Variants in INTS12 observed in about 807,000 individuals in gnomAD.
The protein encoded by INTS12 is PHD finger protein 22.
INTS12 carries 13 observed loss-of-function variants against 41.6 expected under a neutral mutation model. The ratio of observed to expected loss-of-function variants is 0.31; its 90% CI spans 0.20 to 0.50. INTS12 has a LOEUF of 0.50. Among genes scored for constraint, INTS12 ranks in the 20% least tolerant of loss-of-function variants. The pLI, the probability that INTS12 is intolerant of heterozygous loss-of-function variation, is 0.98. For missense variants in INTS12, 432 were observed against 541.6 expected (o/e 0.80, Z 2.01); for synonymous variants, 199 against 191.4 (o/e 1.04, Z -0.33).
At chr4:105,687,699 T>G (rs1731544329) in intron 6 of INTS12, among the ~76,000 whole-genome samples, 1 of 152,154 alleles carries the variant, frequency 6.6e-6, no homozygotes, top group South Asian at 2.1e-4. Context: ...ATCCCAGCAC[T>G]TTGGGAGGCT....
intron 2 of INTS12, among the ~76,000 whole-genome samples, chr4:105,702,304 T>G (rs1237966806): frequency 6.6e-6 from 1 of 151,616 alleles, no homozygotes; most frequent in Admixed American, 6.6e-5. Flanking sequence ...CCCGGCTAAT[T>G]TTTTGTATTT....
intron 6 of INTS12, among the ~76,000 whole-genome samples, chr4:105,687,433 CCACT>C (rs1212351828): frequency 6.6e-6 from 1 of 151,908 alleles, no homozygotes; most frequent in Non-Finnish European, 1.5e-5. Context: ...GAATTTTCAC[CCACT>C]ATTATTTTAT....
intron 6 of INTS12, among the ~76,000 whole-genome samples, 173 bp downstream of exon 6, chr4:105,691,803 G>A (rs931745229): frequency 3.9e-5 from 6 of 151,996 alleles, no homozygotes; most frequent in African/African-American, 1.2e-4. Context: ...AACATGGTCT[G>A]GTCTTTAGCA....
At position 105,686,828 on chromosome 4, in the gene INTS12, G is replaced by A. The variant is rs1731513336; in HGVS notation, c.668C>T (p.Thr223Ile). ...GGCTGGTTTCTGCGGTGGTTTCTGA[G>A]TTTTTTGAGCCTGCAAAAATCAGTG... ...TRQMKRMAQK[T>I]QKPPQKPAPA... The change falls in exon 7 of 8, where the codon ACT becomes ATT. Residue 223 changes from threonine (T) to isoleucine (I), a missense_variant. Coordinates refer to ENST00000340139, the MANE Select transcript of INTS12 (RefSeq NM_020395.4). 6.2e-7 allele frequency: 1 copy of A among 1,613,498 alleles called. No homozygotes were observed.
In INTS12 at chr4:105,700,025, A is replaced by C. The variant is rs976363006; in HGVS notation, c.-9-11T>G. ...AGCCATTGCAAACGCCTGAAGGAAA[A>C]AAAGAGAAAGTAATCTAGAAGACAA... On this transcript the variant is annotated splice_polypyrimidine_tract_variant and intron_variant, in intron 2 of 7. Coordinates refer to ENST00000340139, the MANE Select transcript of INTS12 (RefSeq NM_020395.4). 27 of 1,458,802 alleles carry C rather than the reference A, an allele frequency of 1.9e-5. No homozygotes were observed. The highest frequency in any genetic ancestry group is 2.5e-5 in the Non-Finnish European group (27 of 1,090,398). 90.4% of individuals were successfully genotyped at this position (1,458,802 alleles called of 1,614,324 possible). A position where few individuals can be genotyped will look rare whatever the true frequency, so the allele number is the denominator to read the frequency against.
In INTS12 at chr4:105,698,072, A is replaced by G. The variant is rs115033976; in HGVS notation, c.156+1778T>C. On this transcript the variant is annotated intron_variant, in intron 3 of 7. Transcript: ENST00000340139. The stretch of plus-strand genomic sequence containing the variant: ...CTCAACAAAAAACAACAGAAAAACA[A>G]AAACGTGTATTGTGTGTAACTAAAA... Among the ~76,000 whole-genome samples, 794 of 152,268 alleles carry G rather than the reference A, an allele frequency of 5.2e-3. 6 individuals carry two copies. Among genetic ancestry groups the G allele is most frequent in the African/African-American group, 0.018 (764 of 41,556 alleles).
chr4:105,688,435 C>T (rs769636280), intron 6 of INTS12, among the ~76,000 whole-genome samples: 5 of 152,130 alleles, frequency 3.3e-5, no homozygotes, highest in African/African-American at 1.2e-4. Flanking sequence ...AATCTCAATT[C>T]GTATCACTTT....
In INTS12 at chr4:105,683,156, A is replaced by G. The variant is rs1489303162; in HGVS notation, c.966T>C (p.Ala322=). ...CAGGTTTCTGGTTAGCTGACGAAGT[A>G]GCAGGTTTCCCAGTATTGTTTTGTG... is the stretch of plus-strand genomic sequence containing the variant. ...STTQNNTGKP[A]TSSANQKPVG... The change falls in exon 8 of 8, where the codon GCT becomes GCC. Residue 322 remains alanine (A), a synonymous_variant. Coordinates refer to ENST00000340139, the MANE Select transcript of INTS12 (RefSeq NM_020395.4). The G allele has an allele frequency of 1.9e-6, 3 of 1,614,108 alleles. No individual in the cohort carries two copies. Among genetic ancestry groups the G allele is most frequent in the Non-Finnish European group, 2.5e-6 (3 of 1,179,948 alleles).
intron 1 of INTS12, among the ~76,000 whole-genome samples, chr4:105,704,548 A>C (rs971097500): frequency 1.3e-5 from 2 of 152,218 alleles, no homozygotes; most frequent in African/African-American, 4.8e-5. Context: ...ATTGCCCTAG[A>C]CAATTTGATC....
rs767168985 is a variant in INTS12 at position 105,683,080 on chromosome 4, T to C, written c.1042A>G (p.Ile348Val). 2 of 1,614,084 alleles carry C rather than the reference T, an allele frequency of 1.2e-6. No individual in the cohort carries two copies. The highest frequency in any genetic ancestry group is 1.1e-5 in the South Asian group (1 of 91,084). Residue 348 changes from isoleucine (I) to valine (V), a missense_variant, in exon 8 of 8, where the codon ATA (isoleucine) becomes GTA (valine). Around this residue, in one of 3 missense-constraint regions of INTS12, gnomAD observed 258 missense variants for 309.9 expected, o/e 0.83. Transcript: ENST00000340139. ...GGCGTAGTGCTGTTATTGGAACCTA[T>C]TTTGGAACCTATTCCACCTTTGGAT... ...TSSKGGIGSK[I>V]GSNNSTTPTV... is the part of the protein sequence containing the mutation.
chr4:105,684,462 T>C (rs140407528), intron 7 of INTS12, among the ~76,000 whole-genome samples: 1 of 152,254 alleles, frequency 6.6e-6, no homozygotes, highest in African/African-American at 2.4e-5. Flanking sequence ...AAATAGTTGA[T>C]AAAACATTTT....
intron 1 of INTS12, among the ~76,000 whole-genome samples, chr4:105,707,534 A>C (rs1732330336): frequency 6.6e-6 from 1 of 152,158 alleles, no homozygotes; most frequent in Non-Finnish European, 1.5e-5. Context: ...TTCAGCAAAA[A>C]TCACAAAAGT....
chr4:105,704,089 C>G (rs771484245), intron 1 of INTS12, among the ~76,000 whole-genome samples: 2 of 150,718 alleles, frequency 1.3e-5, no homozygotes, highest in South Asian at 2.1e-4. Flanking sequence ...TCTATCTTTT[C>G]TCTTTTATAG....
chr4:105,693,628 C>T (rs1336516794), intron 4 of INTS12, 142 bp from the exon 5 acceptor site: 2 of 568,380 alleles, frequency 3.5e-6, no homozygotes, highest in African/African-American at 3.7e-5. Context: ...CAGATGTGCA[C>T]ATTAAAGATC....
chr4:105,704,981 T>G (rs1732215111), intron 1 of INTS12, among the ~76,000 whole-genome samples: 1 of 152,198 alleles, frequency 6.6e-6, no homozygotes, highest in African/African-American at 2.4e-5. Context: ...TTTAAACCTT[T>G]TCATATCACT....
intron 1 of INTS12, chr4:105,708,020 C>T: frequency 1.0e-6 from 1 of 985,320 alleles, no homozygotes; most frequent in African/African-American, 1.7e-5. Context: ...GTTGCCATTT[C>T]ATAATGGCTC....
intron 3 of INTS12, among the ~76,000 whole-genome samples, chr4:105,696,264 C>G (rs1731862869): frequency 6.6e-6 from 1 of 152,122 alleles, no homozygotes; most frequent in Non-Finnish European, 1.5e-5. Context: ...TCCAAATTTC[C>G]TTGTGGCCCT....
chr4:105,692,036 T>C lies in INTS12; in HGVS notation c.597A>G (p.Glu199=), dbSNP rs1349558629. The change falls in exon 6 of 8, where the codon GAA becomes GAG. Residue 199 remains glutamate (E), a synonymous_variant. Transcript: ENST00000340139. ...ACCACACCAGGCGAGGGTCATTCGC[T>C]TCCTTGTCTGTCACCTGGGGTTTAT... ...DCHKPQVTDK[E]ANDPRLVWYC... 6.2e-7 allele frequency: 1 copy of C among 1,610,388 alleles called. No homozygotes were observed. Among genetic ancestry groups the C allele is most frequent in the Non-Finnish European group, 8.5e-7 (1 of 1,178,466 alleles).
chr4:105,692,771 C>G (rs1431136937), intron 5 of INTS12, among the ~76,000 whole-genome samples: 1 of 152,130 alleles, frequency 6.6e-6, no homozygotes, highest in Non-Finnish European at 1.5e-5. Context: ...CATTTTGTAT[C>G]TCCATTAAAT....
Sources: gnomAD v4.1 joint callset for allele counts (sites outside exome capture counted in the v4.1 genomes callset) on GRCh38, gnomAD v4.1.1 for gene constraint, gnomAD v4.1.1 regional missense constraint, MANE v1.5 for transcripts, NCBI Gene and HGNC (gene_info 2026-07-23, HGNC 2026-07-21) for gene names.